Variants in CLCN3 observed in about 807,000 individuals in gnomAD.
CLCN3 encodes the protein H(+)/Cl(-) exchange transporter 3.
CLCN3 carries 16 observed loss-of-function variants against 83.4 expected under a neutral mutation model. That is an observed-to-expected ratio of 0.19 (90% CI 0.13 to 0.29). The LOEUF is 0.29. CLCN3 is among the 10% of genes least tolerant of loss of function. The pLI, the probability that CLCN3 is intolerant of heterozygous loss-of-function variation, is 1.00. For missense variants in CLCN3, 544 were observed against 1,006.0 expected, an observed-to-expected ratio of 0.54 and a Z score of 6.21; for synonymous variants, 322 against 346.2, an observed-to-expected ratio of 0.93 and a Z score of 0.78.
chr4:169,714,491 T>C, intron 12 of CLCN3, among the ~76,000 whole-genome samples: 1 of 152,160 alleles, frequency 6.6e-6, no homozygotes, highest in East Asian at 1.9e-4. Context: ...CTCAAGAAGC[T>C]TTAATAATTT....
At chr4:169,663,716 C>A in intron 2 of CLCN3, 2 of 320,504 alleles carry the variant, frequency 6.2e-6, no homozygotes, top group Non-Finnish European at 1.2e-5. Flanking sequence ...GTTATAATCC[C>A]CATTTTCTAG....
chr4:169,720,120 T>G lies in CLCN3; in HGVS notation c.*123T>G. ...CCTTTACAAAAAAAGAAAGGAAATA[T>G]AAAAGCCGGGTTTTTGCAACATGGT... On this transcript the variant is annotated 3_prime_UTR_variant, in exon 13 of 13. Transcript: ENST00000513761. 6.7e-7 allele frequency: 1 copy of G among 1,489,000 alleles called. No homozygotes were observed. The highest frequency in any genetic ancestry group is 9.1e-7 in the Non-Finnish European group (1 of 1,100,674). The allele number at this position is 1,489,000 out of a possible 1,614,324, so 92.2% of individuals were successfully genotyped here. A position where few individuals can be genotyped will look rare whatever the true frequency, so the allele number is the denominator to read the frequency against.
At position 169,644,417 on chromosome 4, in the gene CLCN3, C is replaced by G. The variant is rs1182829129; in HGVS notation, c.160+8329C>G. Reference sequence around the variant, plus strand: ...GGATTACAGATGTACACCACCACGCCTGGCTAATTTTTGTCTTTTTAGTAG... The same window carrying G: ...GGATTACAGATGTACACCACCACGCGTGGCTAATTTTTGTCTTTTTAGTAG... On this transcript the variant is annotated intron_variant, in intron 2 of 12. Transcript: ENST00000513761. Among the ~76,000 whole-genome samples, 3 of 152,060 alleles carry G rather than the reference C, an allele frequency of 2.0e-5. No individual in the cohort carries two copies. In the East Asian group the frequency reaches 5.8e-4, roughly 29 times the overall value.
At chr4:169,715,261 A>G (rs1167455955) in intron 12 of CLCN3, among the ~76,000 whole-genome samples, 1 of 152,076 alleles carries the variant, frequency 6.6e-6, no homozygotes, top group African/African-American at 2.4e-5. Context: ...AACGAAGTGT[A>G]TAGAGCGAGG....
rs138108595 is a variant in CLCN3 at position 169,629,874 on chromosome 4, G to A, written c.-16-6039G>A. 6.3e-3 allele frequency among the ~76,000 whole-genome samples: 963 copies of A among 152,312 alleles called. 11 individuals are homozygous for A. Among genetic ancestry groups the A allele is most frequent in the African/African-American group, 0.022 (924 of 41,572 alleles). On this transcript the variant is annotated intron_variant, in intron 1 of 12. Coordinates refer to ENST00000513761, the MANE Select transcript of CLCN3 (RefSeq NM_001829.4). ...TGATCCAGATAGTAAGTGGGTCAGC[G>A]AAGCTTTGCTTACTAACTGCATGAC... is the stretch of plus-strand genomic sequence containing the variant.
rs372628271 is a variant in CLCN3 at position 169,684,258 on chromosome 4, A to T, written c.319-3400A>T. ...TTTATTTATTAGCTTGCATATTTCT[A>T]TAGAGAGTTTACCCCACATCAACCA... On this transcript the variant is annotated intron_variant, in intron 3 of 12. Coordinates refer to ENST00000513761, the MANE Select transcript of CLCN3 (RefSeq NM_001829.4). 2.0e-5 allele frequency among the ~76,000 whole-genome samples: 3 copies of T among 152,134 alleles called. No homozygotes were observed. In the East Asian group the frequency reaches 5.8e-4, roughly 29 times the overall value.
intron 2 of CLCN3, among the ~76,000 whole-genome samples, chr4:169,639,045 T>C (rs1194557249): frequency 6.6e-5 from 10 of 152,202 alleles, no homozygotes; most frequent in Admixed American, 6.5e-4. Flanking sequence ...TTTTCTTTTT[T>C]TGGAGACAGA....
chr4:169,702,558 G>A (rs886763245), intron 9 of CLCN3, among the ~76,000 whole-genome samples: 1 of 152,018 alleles, frequency 6.6e-6, no homozygotes, highest in African/African-American at 2.4e-5. Context: ...ATAGAGCACA[G>A]AGAGAGTAGA....
At chr4:169,634,570 T>C (rs935174400) in intron 1 of CLCN3, among the ~76,000 whole-genome samples, 1 of 152,248 alleles carries the variant, frequency 6.6e-6, no homozygotes. Flanking sequence ...CTCAGTATAA[T>C]ATGCCATCTT....
intron 2 of CLCN3, among the ~76,000 whole-genome samples, chr4:169,677,355 T>C (rs1015982048): frequency 1.3e-5 from 2 of 152,218 alleles, no homozygotes; most frequent in African/African-American, 4.8e-5. Context: ...AAATAAAGTT[T>C]TATCAGAACA....
chr4:169,696,925 T>C (rs1307837942), intron 8 of CLCN3, among the ~76,000 whole-genome samples: 1 of 152,118 alleles, frequency 6.6e-6, no homozygotes, highest in Non-Finnish European at 1.5e-5. Context: ...GTGAAACTCA[T>C]TTTGAATATA....
chr4:169,714,265 G>A (rs1378370846), intron 12 of CLCN3, among the ~76,000 whole-genome samples: 29 of 151,442 alleles, frequency 1.9e-4, no homozygotes, highest in Admixed American at 1.9e-3. Flanking sequence ...TCTAAACAGA[G>A]AATCATAGCA....
intron 1 of CLCN3, among the ~76,000 whole-genome samples, chr4:169,631,768 A>C (rs1277118074): frequency 6.6e-6 from 1 of 152,214 alleles, no homozygotes; most frequent in Non-Finnish European, 1.5e-5. Context: ...ATGGAAATAC[A>C]AAAGATCCCC....
chr4:169,695,624 G>T lies in CLCN3; in HGVS notation c.949G>T (p.Ala317Ser), dbSNP rs1214682822. Reference sequence around the variant, plus strand: ...ATCCTCTTTCTAGGTGCTATCAGCTGCCTCAGCTGCAGGGGTTTCTGTAGC... The same window carrying T: ...ATCCTCTTTCTAGGTGCTATCAGCTTCCTCAGCTGCAGGGGTTTCTGTAGC... ...EAKKREVLSA[A>S]SAAGVSVAFG... Residue 317 changes from alanine (A) to serine (S), a missense_variant, in exon 8 of 13, where the codon GCC (alanine) becomes TCC (serine). Coordinates refer to ENST00000513761, the MANE Select transcript of CLCN3 (RefSeq NM_001829.4). The T allele has an allele frequency of 6.2e-7, 1 of 1,612,848 alleles. No individual in the cohort carries two copies. The highest frequency in any genetic ancestry group is 8.5e-7 in the Non-Finnish European group (1 of 1,179,058).
intron 1 of CLCN3, among the ~76,000 whole-genome samples, chr4:169,634,450 C>T (rs979802100): frequency 3.4e-4 from 51 of 152,100 alleles, no homozygotes; most frequent in Non-Finnish European, 1.0e-4. Context: ...TTCTCAAAAG[C>T]CACATAATAT....
intron 2 of CLCN3, among the ~76,000 whole-genome samples, chr4:169,658,722 TAAAG>T (rs945061247): frequency 3.3e-5 from 5 of 151,300 alleles, no homozygotes; most frequent in African/African-American, 9.7e-5. Context: ...ATACAGAAAA[TAAAG>T]AAAAAAATCA....
intron 2 of CLCN3, among the ~76,000 whole-genome samples, chr4:169,656,677 G>A (rs1730897435): frequency 6.6e-6 from 1 of 152,214 alleles, no homozygotes; most frequent in South Asian, 2.1e-4. Flanking sequence ...CATGTAAGTG[G>A]TTTTATTTAT....
intron 7 of CLCN3, 81 bp downstream of exon 7, chr4:169,692,401 A>C: frequency 1.6e-6 from 1 of 609,222 alleles, no homozygotes; most frequent in Non-Finnish European, 2.5e-6. Context: ...CTTAGTGTAA[A>C]AATAATAAAT....
At position 169,680,121 on chromosome 4, in the gene CLCN3, C is replaced by T; in HGVS notation, c.232C>T (p.Pro78Ser). ...ACATTTACTGGATCTTTTGGATGAA[C>T]CAATTCCAGGTGTTGGTACATATGA... ...STHLLDLLDEPIPGVGTYDDF... is the reference protein window; with the variant it reads ...STHLLDLLDESIPGVGTYDDF... The change falls in exon 3 of 13, where the codon CCA (proline) becomes TCA (serine). Residue 78 changes from proline (P) to serine (S), a missense_variant. Physicochemically the swap from Pro to Ser is moderately conservative, Grantham distance 74. Around this residue, in one of 6 missense-constraint regions of CLCN3, gnomAD observed 77 missense variants for 92.8 expected, o/e 0.83. Transcript: ENST00000513761. 6.2e-7 allele frequency: 1 copy of T among 1,611,780 alleles called. No individual in the cohort carries two copies. The highest frequency in any genetic ancestry group is 8.5e-7 in the Non-Finnish European group (1 of 1,177,876).
Sources: allele counts gnomAD v4.1 joint callset (sites outside exome capture counted in the v4.1 genomes callset), GRCh38; gene constraint gnomAD v4.1.1; regional missense constraint gnomAD v4.1.1; transcripts MANE v1.5; gene names NCBI Gene and HGNC (gene_info 2026-07-23, HGNC 2026-07-21).